Variants in ARID3A observed in about 807,000 individuals in gnomAD.
ARID3A encodes AT-rich interaction domain 3A, also known as AT-rich interactive domain-containing protein 3A.
Under a neutral mutation model 52.7 loss-of-function variants are expected in ARID3A, and 11 were observed. That is an observed-to-expected ratio of 0.21 (90% CI 0.13 to 0.35). The LOEUF (loss-of-function observed/expected upper bound fraction) is 0.35, where lower values mean the gene tolerates loss of function less well. ARID3A is among the 10% of genes least tolerant of loss of function. ARID3A has a pLI of 1.00. For missense variants in ARID3A, 721 were observed against 838.5 expected, an observed-to-expected ratio of 0.86 and a Z score of 1.73; for synonymous variants, 404 against 359.4, an observed-to-expected ratio of 1.12 and a Z score of -1.40.
rs1440577907 is a variant in ARID3A, at chr19:975,058, C to T, written c.*2993C>T. Reference sequence around the variant, plus strand: ...TCAGGTGGCCCCGTTCAACCCCAGCCGTGCCCATCTCCTGCCACCGCCTGT... The same window carrying T: ...TCAGGTGGCCCCGTTCAACCCCAGCTGTGCCCATCTCCTGCCACCGCCTGT... On this transcript the variant is annotated 3_prime_UTR_variant, in exon 9 of 9. Coordinates refer to ENST00000263620, the MANE Select transcript of ARID3A (RefSeq NM_005224.3). 3.9e-5 allele frequency: 9 copies of T among 232,202 alleles called. No individual in the cohort carries two copies. Among genetic ancestry groups the T allele is most frequent in the African/African-American group, 1.3e-4 (6 of 45,236 alleles). 14.4% of individuals were successfully genotyped at this position (232,202 alleles called of 1,614,324 possible).
intron 8 of ARID3A, among the ~76,000 whole-genome samples, chr19:971,243 G>A (rs1040593497): frequency 9.9e-5 from 15 of 152,278 alleles, no homozygotes; most frequent in African/African-American, 3.4e-4. Flanking sequence ...AGAGGCAGGA[G>A]GATTGTTTTA....
rs886569153 is a variant in ARID3A at position 965,022 on chromosome 19, G to A, written c.1140G>A (p.Leu380=). ...LSSPKLPVSS[L]GLAASTNGSS... ...CACCCAAGCTACCCGTGTCCTCCCT[G>A]GGCCTGGCCGCAAGCACCAATGGCA... The change falls in exon 6 of 9, where the codon CTG becomes CTA. Residue 380 remains leucine (L), a synonymous_variant. Transcript: ENST00000263620. The A allele has an allele frequency of 4.3e-6, 7 of 1,612,974 alleles. No individual in the cohort carries two copies. The highest frequency in any genetic ancestry group is 5.1e-6 in the Non-Finnish European group (6 of 1,179,506).
chr19:960,315 G>A lies in ARID3A; in HGVS notation c.766+151G>A, dbSNP rs575289617. 4 of 638,686 alleles carry A rather than the reference G, an allele frequency of 6.3e-6. No individual in the cohort carries two copies. The African/African-American group carries it at 7.5e-5, about 12-fold the overall frequency. The allele number at this position is 638,686 out of a possible 1,614,324, so 39.6% of individuals were successfully genotyped here. A position where few individuals can be genotyped will look rare whatever the true frequency, so the allele number is the denominator to read the frequency against. ...CTAAATCGGGAGGGACTTCAGGGGT[G>A]TCTTGGGGGGAAACACATCCTGCCA... is the stretch of plus-strand genomic sequence containing the variant. On this transcript the variant is annotated intron_variant, in intron 4 of 8. Coordinates refer to ENST00000263620, the MANE Select transcript of ARID3A (RefSeq NM_005224.3). This position sits in a 1 kb window ranked among gnomAD's most constrained non-coding sequence, Gnocchi z 4.3.
intron 3 of ARID3A, among the ~76,000 whole-genome samples, chr19:951,680 G>A (rs1361447416): frequency 6.6e-6 from 1 of 152,214 alleles, no homozygotes; most frequent in Non-Finnish European, 1.5e-5. Context: ...GGGTGCGTGG[G>A]CGCCTGGGAG....
intron 3 of ARID3A, among the ~76,000 whole-genome samples, chr19:954,310 G>C (rs1054939462): frequency 6.6e-6 from 1 of 152,200 alleles, no homozygotes; most frequent in Non-Finnish European, 1.5e-5. Flanking sequence ...TGCTGGGAAG[G>C]GGAGACGATG....
At chr19:934,577 C>T (rs2037400916) in intron 3 of ARID3A, among the ~76,000 whole-genome samples, 1 of 152,150 alleles carries the variant, frequency 6.6e-6, no homozygotes, top group Admixed American at 6.5e-5. Context: ...TCCTGGAGAT[C>T]CTGCCGCCCC....
chr19:930,532 A>G (rs929895300), intron 2 of ARID3A, among the ~76,000 whole-genome samples: 3 of 146,014 alleles, frequency 2.1e-5, no homozygotes, highest in South Asian at 2.2e-4. Flanking sequence ...TTTTTTAGAC[A>G]GAGTCTTGCT....
At position 944,787 on chromosome 19, in the gene ARID3A, G is replaced by A. The variant is rs910733751; in HGVS notation, c.693+12045G>A. Among the ~76,000 whole-genome samples, 9 of 152,112 alleles carry A rather than the reference G, an allele frequency of 5.9e-5. No individual in the cohort carries two copies. Among genetic ancestry groups the A allele is most frequent in the Non-Finnish European group, 8.8e-5 (6 of 68,004 alleles). Reference sequence around the variant, plus strand: ...ACCACAGACACTCGCCACCACACCCGGCTAACTTCATTTTATTTTTTGGAG... The same window carrying A: ...ACCACAGACACTCGCCACCACACCCAGCTAACTTCATTTTATTTTTTGGAG... On this transcript the variant is annotated intron_variant, in intron 3 of 8. Coordinates refer to ENST00000263620, the MANE Select transcript of ARID3A (RefSeq NM_005224.3). The surrounding 1 kb of genome is among the most constrained non-coding windows in gnomAD (Gnocchi z 5.9).
At chr19:928,962 A>G (rs997869797) in intron 1 of ARID3A, 2 of 152,340 alleles carry the variant, frequency 1.3e-5, no homozygotes, top group African/African-American at 2.4e-5. Context: ...CCGCTGGCCA[A>G]TCACAGGCCA....
chr19:945,814 G>A (rs2037667133), intron 3 of ARID3A, among the ~76,000 whole-genome samples: 1 of 152,194 alleles, frequency 6.6e-6, no homozygotes, highest in Admixed American at 6.6e-5. Context: ...TGCTGGTGCT[G>A]GGCTGCGTTT....
At chr19:936,897 C>T (rs1218191103) in intron 3 of ARID3A, among the ~76,000 whole-genome samples, 1 of 151,924 alleles carries the variant, frequency 6.6e-6, no homozygotes, top group African/African-American at 2.4e-5. Flanking sequence ...CCTATTCTAC[C>T]AGCACGCCCC....
chr19:936,750 G>T (rs938663999), intron 3 of ARID3A, among the ~76,000 whole-genome samples: 6 of 152,128 alleles, frequency 3.9e-5, no homozygotes, highest in Non-Finnish European at 5.9e-5. Flanking sequence ...GCTGAGGCAG[G>T]GGAATCACTT....
chr19:943,033 C>A (rs1364895932), intron 3 of ARID3A, among the ~76,000 whole-genome samples: 1 of 152,118 alleles, frequency 6.6e-6, no homozygotes, highest in Non-Finnish European at 1.5e-5. Context: ...CTTTGGAAGG[C>A]CAAGACGGGA....
At position 966,568 on chromosome 19, in the gene ARID3A, C is replaced by G; in HGVS notation, c.1199-4C>G. The G allele has an allele frequency of 6.5e-7, 1 of 1,533,272 alleles. No individual in the cohort carries two copies. Among genetic ancestry groups the G allele is most frequent in the Admixed American group, 2.0e-5 (1 of 48,990 alleles). The allele number at this position is 1,533,272 out of a possible 1,614,324, so 95.0% of individuals were successfully genotyped here. A position where few individuals can be genotyped will look rare whatever the true frequency, so the allele number is the denominator to read the frequency against. Reference sequence around the variant, plus strand: ...GCCACCAATTCCCCTTTTTTCCTACCTAGAGGAGGACTCAGCCATCCCCAT... The same window carrying G: ...GCCACCAATTCCCCTTTTTTCCTACGTAGAGGAGGACTCAGCCATCCCCAT... On this transcript the variant is annotated splice_polypyrimidine_tract_variant and splice_region_variant and intron_variant, in intron 6 of 8. Coordinates refer to ENST00000263620, the MANE Select transcript of ARID3A (RefSeq NM_005224.3).
rs891255140 is a variant in ARID3A at position 960,782 on chromosome 19, T to C, written c.766+618T>C. On this transcript the variant is annotated intron_variant, in intron 4 of 8. Coordinates refer to ENST00000263620, the MANE Select transcript of ARID3A (RefSeq NM_005224.3). This position sits in a 1 kb window ranked among gnomAD's most constrained non-coding sequence, Gnocchi z 4.3. ...CTGAGTGCAGGGCCGCTGTTTACTG[T>C]GCACACTTATTGGGCACCAACGGTA... is the stretch of plus-strand genomic sequence containing the variant. Among the ~76,000 whole-genome samples the C allele has an allele frequency of 4.6e-5, 7 of 152,142 alleles. No individual in the cohort carries two copies. The highest frequency in any genetic ancestry group is 1.7e-4 in the African/African-American group (7 of 41,402).
At position 954,425 on chromosome 19, in the gene ARID3A, T is replaced by C. The variant is rs145638118; in HGVS notation, c.694-5667T>C. Among the ~76,000 whole-genome samples, 127 of 152,366 alleles carry C rather than the reference T, an allele frequency of 8.3e-4. 1 individual carries two copies. The highest frequency in any genetic ancestry group is 2.7e-3 in the Admixed American group (42 of 15,310). On this transcript the variant is annotated intron_variant, in intron 3 of 8. Coordinates refer to ENST00000263620, the MANE Select transcript of ARID3A (RefSeq NM_005224.3). The stretch of plus-strand genomic sequence containing the variant: ...GGGAAAGACCCCCAGGCCTGCCCTG[T>C]GGCCCCGCATTTTCTTGGCATCGCA...
chr19:946,495 C>T (rs1441333792), intron 3 of ARID3A, among the ~76,000 whole-genome samples: 1 of 136,690 alleles, frequency 7.3e-6, no homozygotes, highest in Admixed American at 8.2e-5. Flanking sequence ...GGCTAGAGTG[C>T]GGTGTCGCGG....
rs1409362708 is a variant in ARID3A at position 932,534 on chromosome 19, C to T, written c.485C>T (p.Pro162Leu). Residue 162 changes from proline to leucine, a missense_variant, in exon 3 of 9, where the codon CCA becomes CTA. Physicochemically the swap from Pro to Leu is moderately conservative, Grantham distance 98. Coordinates refer to ENST00000263620, the MANE Select transcript of ARID3A (RefSeq NM_005224.3). ...EEEDEEGLGPPGPASLGTTAL... is the reference protein window; with the variant it reads ...EEEDEEGLGPLGPASLGTTAL... Reference sequence around the variant, plus strand: ...GAGGACGAGGAGGGGCTGGGCCCCCCAGGCCCTGCCAGCTTGGGCACCACG... The same window carrying T: ...GAGGACGAGGAGGGGCTGGGCCCCCTAGGCCCTGCCAGCTTGGGCACCACG... The T allele has an allele frequency of 4.0e-6, 6 of 1,518,320 alleles. No individual in the cohort carries two copies. The highest frequency in any genetic ancestry group is 5.3e-6 in the Non-Finnish European group (6 of 1,136,986). 94.1% of individuals were successfully genotyped at this position (1,518,320 alleles called of 1,614,324 possible). A position where few individuals can be genotyped will look rare whatever the true frequency, so the allele number is the denominator to read the frequency against.
In ARID3A at chr19:959,270, C is replaced by CT. The variant is rs1568369151; in HGVS notation, c.694-818dup. On this transcript the variant is annotated intron_variant, in intron 3 of 8. Coordinates refer to ENST00000263620, the MANE Select transcript of ARID3A (RefSeq NM_005224.3). The surrounding 1 kb of genome is among the most constrained non-coding windows in gnomAD (Gnocchi z 5.0). ...GGAGGGAACGCAACCCTGCAGACAT[C>CT]TTTTGTTTTGTTTTGTTTTTAGAGA... Among the ~76,000 whole-genome samples the CT allele has an allele frequency of 6.6e-6, 1 of 152,144 alleles. No individual in the cohort carries two copies. Among genetic ancestry groups the CT allele is most frequent in the African/African-American group, 2.4e-5 (1 of 41,434 alleles).
Sources: gnomAD v4.1 joint callset for allele counts (sites outside exome capture counted in the v4.1 genomes callset) on GRCh38, gnomAD v4.1.1 for gene constraint, Gnocchi (gnomAD v3.1) non-coding constraint, MANE v1.5 for transcripts, NCBI Gene and HGNC (gene_info 2026-07-23, HGNC 2026-07-21) for gene names.